CTDP1: variants seen among roughly 807,000 people sequenced by gnomAD.
CTDP1 encodes the protein RNA polymerase II subunit A C-terminal domain phosphatase.
A neutral mutation model predicts 91.8 loss-of-function variants in CTDP1; 47 were observed. The ratio of observed to expected loss-of-function variants is 0.51; its 90% CI spans 0.41 to 0.65. The LOEUF (loss-of-function observed/expected upper bound fraction) is 0.65, where lower values mean the gene tolerates loss of function less well. Ranked by LOEUF, CTDP1 falls within the 30% of genes least tolerant of loss-of-function variation. The pLI is 0.00. For missense variants in CTDP1, 1,272 were observed against 1,373.7 expected (o/e 0.93, Z 1.17); for synonymous variants, 656 against 598.5 (o/e 1.10, Z -1.40).
Position 79,695,974 on chromosome 18 carries a change from C to A in CTDP1, c.399-3C>A, listed in dbSNP as rs1451103926. 2 of 1,611,444 alleles carry A rather than the reference C, an allele frequency of 1.2e-6. No homozygotes were observed. Among genetic ancestry groups the A allele is most frequent in the Admixed American group, 3.3e-5 (2 of 60,006 alleles). ...AGCCCTGAACCTGTCCTTGCACTTGCAGGTTGCAGAGTAAGAACGGGAAGC... is the reference window on the plus strand; with the variant it reads ...AGCCCTGAACCTGTCCTTGCACTTGAAGGTTGCAGAGTAAGAACGGGAAGC... On this transcript the variant is annotated splice_polypyrimidine_tract_variant and splice_region_variant and intron_variant, in intron 2 of 12. Coordinates refer to ENST00000613122, the MANE Select transcript of CTDP1 (RefSeq NM_004715.5).
At chr18:79,707,763 G>C (rs937248979) in intron 5 of CTDP1, among the ~76,000 whole-genome samples, 1 of 152,218 alleles carries the variant, frequency 6.6e-6, no homozygotes, top group African/African-American at 2.4e-5. Context: ...GGGATCTGTA[G>C]AGATGACCTG....
Position 79,754,083 on chromosome 18 carries a change from G to A in CTDP1, c.*293G>A, listed in dbSNP as rs931914303. ...CTGGTGCGCCCGCTGTCTCGGTAAG[G>A]GGCGGGTTGGTGTGTTTTCCCCTTG... On this transcript the variant is annotated 3_prime_UTR_variant, in exon 13 of 13. Transcript: ENST00000613122. The A allele has an allele frequency of 8.8e-6, 4 of 456,412 alleles. No individual in the cohort carries two copies. Among genetic ancestry groups the A allele is most frequent in the Non-Finnish European group, 1.6e-5 (4 of 246,374 alleles). The allele number at this position is 456,412 out of a possible 1,614,324, so 28.3% of individuals were successfully genotyped here.
intron 7 of CTDP1, 129 bp from the exon 8 acceptor site, chr18:79,714,362 G>C: frequency 9.5e-7 from 1 of 1,056,806 alleles, no homozygotes; most frequent in Non-Finnish European, 1.4e-6. Context: ...TTCACAGCAA[G>C]GTTGCCAAGG....
At chr18:79,690,352 G>C (rs2085594388) in intron 1 of CTDP1, among the ~76,000 whole-genome samples, 1 of 152,200 alleles carries the variant, frequency 6.6e-6, no homozygotes, top group Admixed American at 6.5e-5. Flanking sequence ...TTGTTTAGAA[G>C]TTGCATGTCA....
At chr18:79,712,384 C>T (rs1474868850) in intron 6 of CTDP1, among the ~76,000 whole-genome samples, 1 of 152,186 alleles carries the variant, frequency 6.6e-6, no homozygotes, top group African/African-American at 2.4e-5. Context: ...TGGGCTCAAG[C>T]TATCCTCCCA....
intron 11 of CTDP1, among the ~76,000 whole-genome samples, chr18:79,730,220 A>T (rs562773084): frequency 2.0e-5 from 3 of 152,200 alleles, no homozygotes; most frequent in Admixed American, 2.0e-4. Context: ...TCTAAAAAAA[A>T]TTTTTCTCAG....
chr18:79,748,912 AGCCG>A (rs1568222110), intron 12 of CTDP1, among the ~76,000 whole-genome samples: 2 of 113,082 alleles, frequency 1.8e-5, no homozygotes, highest in East Asian at 2.9e-4. Context: ...TCTGTGTGTG[AGCCG>A]TGTCTGTGTG....
chr18:79,703,861 C>T (rs111368072), intron 4 of CTDP1, among the ~76,000 whole-genome samples: 6,244 of 151,552 alleles, frequency 0.041, 195 homozygotes, highest in South Asian at 0.16. Flanking sequence ...TGACTGTTGG[C>T]GTGGTTATTG....
intron 11 of CTDP1, among the ~76,000 whole-genome samples, chr18:79,729,398 G>A (rs2086518803): frequency 6.6e-6 from 1 of 152,206 alleles, no homozygotes; most frequent in South Asian, 2.1e-4. Context: ...GACATGGGAC[G>A]GGGTCTGGAG....
chr18:79,727,480 G>A (rs1176306398), intron 10 of CTDP1, among the ~76,000 whole-genome samples: 7 of 151,946 alleles, frequency 4.6e-5, no homozygotes, highest in Admixed American at 1.3e-4. Flanking sequence ...CGCGGCTTTC[G>A]CGGGGTGGGA....
At chr18:79,729,718 C>T (rs765811204) in intron 11 of CTDP1, among the ~76,000 whole-genome samples, 1 of 152,202 alleles carries the variant, frequency 6.6e-6, no homozygotes, top group African/African-American at 2.4e-5. Flanking sequence ...CACAACAGTC[C>T]GGATGTTAGG....
At position 79,753,634 on chromosome 18, in the gene CTDP1, A is replaced by G; in HGVS notation, c.2748-18A>G. ...GCGTTTGCCACAAGCATCTCACACCATGTTTGCTTCTCTGCAGAGGCCACA... is the reference window on the plus strand; with the variant it reads ...GCGTTTGCCACAAGCATCTCACACCGTGTTTGCTTCTCTGCAGAGGCCACA... On this transcript the variant is annotated intron_variant, in intron 12 of 12. Transcript: ENST00000613122. 6.2e-7 allele frequency: 1 copy of G among 1,614,082 alleles called. No individual in the cohort carries two copies.
At chr18:79,744,745 C>T (rs1171499514) in intron 12 of CTDP1, among the ~76,000 whole-genome samples, 1 of 152,188 alleles carries the variant, frequency 6.6e-6, no homozygotes, top group Non-Finnish European at 1.5e-5. Context: ...AACTGACAAG[C>T]AAAGGGAGAG....
At chr18:79,703,159 G>A (rs1030348277) in intron 4 of CTDP1, 2 of 152,130 alleles carry the variant, frequency 1.3e-5, no homozygotes, top group Non-Finnish European at 1.5e-5. Context: ...CTAAATATTT[G>A]ACAGAGTAGC....
chr18:79,699,408 C>A (rs1045767001), intron 4 of CTDP1, among the ~76,000 whole-genome samples: 14 of 151,968 alleles, frequency 9.2e-5, no homozygotes, highest in African/African-American at 3.4e-4. Flanking sequence ...CTACAGGTGC[C>A]CGCCACCACA....
chr18:79,696,175 G>A lies in CTDP1; in HGVS notation c.492+105G>A, dbSNP rs1015339731. On this transcript the variant is annotated intron_variant, in intron 3 of 12. Transcript: ENST00000613122. ...GAAGCACGGACGTGTGGTTGTCATC[G>A]TCGTTACTGAAACAACCCCTCATCA... 4.1e-5 allele frequency: 38 copies of A among 935,468 alleles called. No homozygotes were observed. In the Admixed American group the frequency reaches 6.1e-4, roughly 15 times the overall value. 57.9% of individuals were successfully genotyped at this position (935,468 alleles called of 1,614,324 possible). A position where few individuals can be genotyped will look rare whatever the true frequency, so the allele number is the denominator to read the frequency against.
Position 79,697,913 on chromosome 18 carries a change from G to A in CTDP1, c.546G>A (p.Lys182=), listed in dbSNP as rs746437908. Residue 182 remains lysine, a synonymous_variant, in exon 4 of 13, where the codon AAG becomes AAA. Coordinates refer to ENST00000613122, the MANE Select transcript of CTDP1 (RefSeq NM_004715.5). ...EDQQRLHRNR[K]LVLMVDLDQT... is the part of the protein sequence containing the mutation. Reference sequence around the variant, plus strand: ...AGCAGCGACTGCACCGAAACCGGAAGCTGGTGCTCATGGTGGACTTGGACC... The same window carrying A: ...AGCAGCGACTGCACCGAAACCGGAAACTGGTGCTCATGGTGGACTTGGACC... 7.4e-6 allele frequency: 12 copies of A among 1,614,134 alleles called. No homozygotes were observed. In the East Asian group the frequency reaches 2.5e-4, roughly 33 times the overall value.
intron 4 of CTDP1, among the ~76,000 whole-genome samples, chr18:79,700,243 AG>A (rs2085831253): frequency 6.6e-6 from 1 of 152,236 alleles, no homozygotes; most frequent in Non-Finnish European, 1.5e-5. Context: ...TTAAATCAAA[AG>A]GTAGACGTGA....
intron 1 of CTDP1, among the ~76,000 whole-genome samples, chr18:79,686,175 T>C (rs2085489842): frequency 6.6e-6 from 1 of 152,230 alleles, no homozygotes; most frequent in African/African-American, 2.4e-5. Flanking sequence ...GAAGCACGTC[T>C]GCCTGGAAAT....
Sources: gnomAD v4.1 joint callset for allele counts (sites outside exome capture counted in the v4.1 genomes callset) on GRCh38, gnomAD v4.1.1 for gene constraint, MANE v1.5 for transcripts, NCBI Gene and HGNC (gene_info 2026-07-23, HGNC 2026-07-21) for gene names.